PDE6C: variants seen among roughly 807,000 people sequenced by gnomAD.
The protein encoded by PDE6C is cone cGMP-specific 3',5'-cyclic phosphodiesterase subunit alpha'.
Under a neutral mutation model 113.1 loss-of-function variants are expected in PDE6C, and 75 were observed. The ratio of observed to expected loss-of-function variants is 0.66; its 90% CI spans 0.55 to 0.80. The LOEUF (loss-of-function observed/expected upper bound fraction) is 0.80, where lower values mean the gene tolerates loss of function less well. Ranked by LOEUF, PDE6C falls within the 30% of genes least tolerant of loss-of-function variation. The pLI is 0.00. For synonymous variants in PDE6C, 375 were observed against 363.7 expected (o/e 1.03, Z -0.35); for missense variants, 912 against 1,038.6 (o/e 0.88, Z 1.67).
intron 15 of PDE6C, among the ~76,000 whole-genome samples, chr10:93,649,000 A>G (rs2058596973): frequency 6.6e-6 from 1 of 152,208 alleles, no homozygotes; most frequent in African/African-American, 2.4e-5. Context: ...CGGGCGTCAT[A>G]GGCACCATGC....
At chr10:93,650,772 A>G (rs964743376) in intron 15 of PDE6C, among the ~76,000 whole-genome samples, 2 of 152,230 alleles carry the variant, frequency 1.3e-5, no homozygotes. Flanking sequence ...CTGAGCATTT[A>G]GATGTTTGAC....
At chr10:93,628,776 A>G (rs962476937) in intron 7 of PDE6C, among the ~76,000 whole-genome samples, 2 of 152,310 alleles carry the variant, frequency 1.3e-5, no homozygotes, top group South Asian at 2.1e-4. Flanking sequence ...AAGTAAAGTG[A>G]TATCTCTCAC....
chr10:93,617,133 A>T (rs2058423718), intron 1 of PDE6C, among the ~76,000 whole-genome samples: 1 of 152,052 alleles, frequency 6.6e-6, no homozygotes, highest in Non-Finnish European at 1.5e-5. Context: ...CTGACATCTG[A>T]TGAGGGATCA....
chr10:93,614,430 G>A (rs1564794401), intron 1 of PDE6C, among the ~76,000 whole-genome samples: 1 of 152,154 alleles, frequency 6.6e-6, no homozygotes, highest in Non-Finnish European at 1.5e-5. Context: ...AGTTTAAGCT[G>A]GGTTAAGTTT....
At chr10:93,636,755 G>A (rs764253717) in intron 10 of PDE6C, among the ~76,000 whole-genome samples, 6 of 152,026 alleles carry the variant, frequency 3.9e-5, no homozygotes, top group Non-Finnish European at 2.9e-5. Context: ...GGAACTCATT[G>A]TAGTATATTT....
Position 93,640,455 on chromosome 10 carries a change from T to C in PDE6C, c.1635T>C (p.Leu545=), listed in dbSNP as rs370389507. 19 of 1,610,246 alleles carry C rather than the reference T, an allele frequency of 1.2e-5. No homozygotes were observed. The African/African-American group carries it at 2.5e-4, about 22-fold the overall frequency. ...VEKFKVPVEV[L]TRWMYTVRKG... is the part of the protein sequence containing the mutation. ...ATGGTGTCATCTTCTTTTAGGTTCT[T>C]ACCAGATGGATGTACACTGTGAGGA... The change falls in exon 13 of 22, where the codon CTT becomes CTC. Residue 545 remains leucine, a synonymous_variant. Coordinates refer to ENST00000371447, the MANE Select transcript of PDE6C (RefSeq NM_006204.4).
In PDE6C at chr10:93,626,792, T is replaced by C. The variant is rs1448116952; in HGVS notation, c.1005-13T>C. 1 of 1,613,854 alleles carries C rather than the reference T, an allele frequency of 6.2e-7. No homozygotes were observed. The highest frequency in any genetic ancestry group is 1.7e-5 in the Admixed American group (1 of 60,022). On this transcript the variant is annotated splice_polypyrimidine_tract_variant and intron_variant, in intron 6 of 21. Transcript: ENST00000371447. ...TCTATATTGCAATGATTTTTTTTCT[T>C]CTCTTCCCCAAGGACGCCTCCTGCA...
chr10:93,612,831 A>G lies in PDE6C; in HGVS notation c.106A>G (p.Ile36Val). 6.2e-7 allele frequency: 1 copy of G among 1,614,132 alleles called. No individual in the cohort carries two copies. The highest frequency in any genetic ancestry group is 1.1e-5 in the South Asian group (1 of 91,076). ...GTTGCGGGTGGAGGTGCTGGGAGAA[A>G]TCTTCAAGAACAGCCAGGTGCCAGT... The part of the protein sequence containing the change: ...RKLRVEVLGE[I>V]FKNSQVPVQS... Residue 36 changes from isoleucine (I) to valine (V), a missense_variant, in exon 1 of 22, where the codon ATC (isoleucine) becomes GTC (valine). Transcript: ENST00000371447.
At chr10:93,660,244 A>G (rs1031226318) in intron 18 of PDE6C, among the ~76,000 whole-genome samples, 2 of 152,208 alleles carry the variant, frequency 1.3e-5, no homozygotes, top group African/African-American at 2.4e-5. Flanking sequence ...GTACACGTTT[A>G]TTTGTTTTAC....
chr10:93,617,217 C>G (rs149079162), intron 1 of PDE6C, among the ~76,000 whole-genome samples: 1 of 152,148 alleles, frequency 6.6e-6, no homozygotes, highest in African/African-American at 2.4e-5. Context: ...AAGGGACACA[C>G]GCAGGATTTA....
At position 93,613,068 on chromosome 10, in the gene PDE6C, C is replaced by A. The variant is rs2058400106; in HGVS notation, c.343C>A (p.Leu115Met). ...NGIPEVASRL[L>M]DVTPTSKFED... The stretch of plus-strand genomic sequence containing the variant: ...CATACCTGAGGTGGCCTCTAGGTTG[C>A]TGGATGTCACCCCCACCTCCAAGTT... The change falls in exon 1 of 22, where the codon CTG (leucine) becomes ATG (methionine). Residue 115 changes from leucine to methionine, a missense_variant. Transcript: ENST00000371447. 5 of 1,614,104 alleles carry A rather than the reference C, an allele frequency of 3.1e-6. No individual in the cohort carries two copies. Among genetic ancestry groups the A allele is most frequent in the African/African-American group, 1.3e-5 (1 of 74,938 alleles).
intron 7 of PDE6C, among the ~76,000 whole-genome samples, chr10:93,628,827 T>G (rs2058486577): frequency 6.6e-6 from 1 of 152,160 alleles, no homozygotes; most frequent in African/African-American, 2.4e-5. Context: ...TATCTGGCTG[T>G]TTCCTCCTGC....
chr10:93,636,392 G>GTGTGTA (rs2058530897), intron 10 of PDE6C, among the ~76,000 whole-genome samples: 1 of 149,696 alleles, frequency 6.7e-6, no homozygotes, highest in Non-Finnish European at 1.5e-5. Context: ...GTGTGTGTGT[G>GTGTGTA]TGTGTGTGTG....
At chr10:93,636,296 T>C (rs1392630438) in intron 10 of PDE6C, among the ~76,000 whole-genome samples, 1 of 152,000 alleles carries the variant, frequency 6.6e-6, no homozygotes, top group African/African-American at 2.4e-5. Context: ...TTGCTAACCA[T>C]GTTCTAATCA....
intron 11 of PDE6C, among the ~76,000 whole-genome samples, chr10:93,638,631 C>A (rs1738493856): frequency 6.6e-6 from 1 of 152,226 alleles, no homozygotes; most frequent in Admixed American, 6.5e-5. Context: ...AATGTAAAAT[C>A]TACTCAGGGC....
At chr10:93,627,265 A>G (rs933904424) in intron 7 of PDE6C, among the ~76,000 whole-genome samples, 3 of 150,748 alleles carry the variant, frequency 2.0e-5, no homozygotes, top group South Asian at 2.1e-4. Context: ...CCACAAAAAA[A>G]AAAAAAAAAA....
chr10:93,627,167 C>A (rs2058477154), intron 7 of PDE6C, among the ~76,000 whole-genome samples: 1 of 127,998 alleles, frequency 7.8e-6, no homozygotes, highest in South Asian at 2.5e-4. Flanking sequence ...GAGGCTGAGG[C>A]AAAAGAATTG....
intron 14 of PDE6C, among the ~76,000 whole-genome samples, chr10:93,645,034 C>T (rs1047535573): frequency 6.9e-6 from 1 of 145,768 alleles, no homozygotes; most frequent in African/African-American, 2.4e-5. Flanking sequence ...AAGCCAGGCA[C>T]AGAGAGTCAA....
intron 21 of PDE6C, among the ~76,000 whole-genome samples, chr10:93,664,798 C>T (rs984330376): frequency 2.0e-5 from 3 of 152,212 alleles, no homozygotes; most frequent in African/African-American, 7.2e-5. Flanking sequence ...GATTTCCAGA[C>T]TGCATTGTCT....
Sources: allele counts gnomAD v4.1 joint callset (sites outside exome capture counted in the v4.1 genomes callset), GRCh38; gene constraint gnomAD v4.1.1; transcripts MANE v1.5; gene names NCBI Gene and HGNC (gene_info 2026-07-23, HGNC 2026-07-21).